The following SEZ6L variants were observed in gnomAD, a reference collection of about 807,000 sequenced individuals.
SEZ6L encodes seizure related 6 homolog like, also known as seizure 6-like protein.
Under a neutral mutation model 106.2 loss-of-function variants are expected in SEZ6L, and 37 were observed. That is an observed-to-expected ratio of 0.35 (90% CI 0.27 to 0.46). The LOEUF (loss-of-function observed/expected upper bound fraction) is 0.46. SEZ6L is among the 20% of genes least tolerant of loss of function. The pLI, the probability that SEZ6L is intolerant of heterozygous loss-of-function variation, is 1.00. For synonymous variants in SEZ6L, 541 were observed against 570.4 expected (o/e 0.95, Z 0.73); for missense variants, 1,172 against 1,332.8 (o/e 0.88, Z 1.88).
At chr22:26,284,604 CAAAAAAAAAAAAAAA>C (rs137198) in intron 1 of SEZ6L, among the ~76,000 whole-genome samples, 4 of 64,022 alleles carry the variant, frequency 6.2e-5, no homozygotes, top group East Asian at 1.1e-3. Context: ...ATCAGGACTC[CAAAAAAAAAAAAAAA>C]AAAAAAAAAA....
intron 12 of SEZ6L, among the ~76,000 whole-genome samples, chr22:26,355,943 C>T (rs1208486156): frequency 6.6e-6 from 1 of 152,228 alleles, no homozygotes; most frequent in Admixed American, 6.5e-5. Context: ...AAGTCAGACA[C>T]ACCCTCCAGC....
intron 1 of SEZ6L, among the ~76,000 whole-genome samples, chr22:26,266,598 T>TAAAC (rs1178066940): frequency 6.8e-6 from 1 of 147,774 alleles, no homozygotes; most frequent in Admixed American, 6.7e-5. Flanking sequence ...AATAAATAAA[T>TAAAC]AAATAAATAA....
At position 26,367,548 on chromosome 22, in the gene SEZ6L, T is replaced by C. The variant is rs111539423; in HGVS notation, c.2794+1982T>C. 4.3e-3 allele frequency among the ~76,000 whole-genome samples: 650 copies of C among 152,254 alleles called. 8 individuals carry two copies. The highest frequency in any genetic ancestry group is 0.014 in the African/African-American group (573 of 41,554). On this transcript the variant is annotated intron_variant, in intron 13 of 16. Transcript: ENST00000248933. ...TTGTAGAGATGGGGGTCTCGCTATGTTGCCCAGGCTGGTCTCTACTCCTGG... is the reference window on the plus strand; with the variant it reads ...TTGTAGAGATGGGGGTCTCGCTATGCTGCCCAGGCTGGTCTCTACTCCTGG...
At position 26,292,858 on chromosome 22, in the gene SEZ6L, C is replaced by A. The variant is rs747137234; in HGVS notation, c.547C>A (p.Pro183Thr). The change falls in exon 2 of 17, where the codon CCC becomes ACC. Residue 183 changes from proline (P) to threonine (T), a missense_variant. Coordinates refer to ENST00000248933, the MANE Select transcript of SEZ6L (RefSeq NM_021115.5). ...IVASEEASEV[P>T]LWLDRKESAV... ...GGCCTCCGAGGAGGCATCAGAAGTG[C>A]CCCTTTGGCTGGACCGAAAGGAGAG... is the stretch of plus-strand genomic sequence containing the variant. 3 of 1,614,030 alleles carry A rather than the reference C, an allele frequency of 1.9e-6. No homozygotes were observed. The African/African-American group carries it at 4.0e-5, about 22-fold the overall frequency.
At chr22:26,364,419 C>T (rs912004760) in intron 12 of SEZ6L, among the ~76,000 whole-genome samples, 3 of 100,936 alleles carry the variant, frequency 3.0e-5, no homozygotes, top group Admixed American at 1.2e-4. Flanking sequence ...GACCCTGTCT[C>T]TACTTTAAAA....
chr22:26,184,008 CT>C (rs1457824527), intron 1 of SEZ6L, among the ~76,000 whole-genome samples: 1 of 152,180 alleles, frequency 6.6e-6, no homozygotes, highest in Non-Finnish European at 1.5e-5. Context: ...AAAATTACTT[CT>C]GTTTTTCAGC....
At chr22:26,364,466 G>A (rs1372230181) in intron 12 of SEZ6L, among the ~76,000 whole-genome samples, 1 of 147,716 alleles carries the variant, frequency 6.8e-6, no homozygotes, top group African/African-American at 2.5e-5. Context: ...GGCGGGACAC[G>A]CCTATAGTCC....
In SEZ6L at chr22:26,266,113, G is replaced by T. The variant is rs549848389; in HGVS notation, c.95-26293G>T. ...CAGCTCACAAGGACAGTGCACACGG[G>T]TGTGTGTGGAATTTATGGTGAGTCA... On this transcript the variant is annotated intron_variant, in intron 1 of 16. Transcript: ENST00000248933. 3.9e-5 allele frequency among the ~76,000 whole-genome samples: 6 copies of T among 152,312 alleles called. No homozygotes were observed. In the South Asian group the frequency reaches 1.0e-3, roughly 26 times the overall value.
chr22:26,262,279 T>TCTATCTATCTATCTAC (rs1435790584), intron 1 of SEZ6L, among the ~76,000 whole-genome samples: 29 of 151,574 alleles, frequency 1.9e-4, no homozygotes, highest in African/African-American at 6.8e-4. Context: ...TATCTATCTA[T>TCTATCTATCTATCTAC]CTATCTCTTT....
At position 26,213,084 on chromosome 22, in the gene SEZ6L, C is replaced by T. The variant is rs147653873; in HGVS notation, c.94+43321C>T. Among the ~76,000 whole-genome samples the T allele has an allele frequency of 3.3e-5, 5 of 152,290 alleles. No individual in the cohort carries two copies. In the East Asian group the frequency reaches 9.6e-4, roughly 29 times the overall value. On this transcript the variant is annotated intron_variant, in intron 1 of 16. Transcript: ENST00000248933. Reference sequence around the variant, plus strand: ...ATCCTGGAGGATGGGGATGCTTAGGCTCCCTACATTCCTCCCACTAATAAT... The same window carrying T: ...ATCCTGGAGGATGGGGATGCTTAGGTTCCCTACATTCCTCCCACTAATAAT...
In SEZ6L at chr22:26,382,613, A is replaced by G. The variant is rs1028644269; in HGVS notation, c.*2318A>G. The G allele has an allele frequency of 1.3e-5, 2 of 152,230 alleles. No individual in the cohort carries two copies. The highest frequency in any genetic ancestry group is 4.8e-5 in the African/African-American group (2 of 41,414). The allele number at this position is 152,230 out of a possible 1,614,324, so 9.4% of individuals were successfully genotyped here. ...GTACCACACCCGTAACCGTGTTTTAAAAGTTTGTTTTAGCCTAGAGACAGA... is the reference window on the plus strand; with the variant it reads ...GTACCACACCCGTAACCGTGTTTTAGAAGTTTGTTTTAGCCTAGAGACAGA... On this transcript the variant is annotated 3_prime_UTR_variant, in exon 17 of 17. Transcript: ENST00000248933.
At chr22:26,246,772 G>A (rs1602146212) in intron 1 of SEZ6L, among the ~76,000 whole-genome samples, 2 of 152,302 alleles carry the variant, frequency 1.3e-5, no homozygotes, top group East Asian at 3.9e-4. Context: ...GTAATGGGTA[G>A]AGATGATTAG....
At chr22:26,312,307 T>C (rs778709565) in intron 8 of SEZ6L, among the ~76,000 whole-genome samples, 3 of 152,226 alleles carry the variant, frequency 2.0e-5, no homozygotes, top group Non-Finnish European at 4.4e-5. Flanking sequence ...ATAAGAACAA[T>C]AATAGTTCTT....
intron 12 of SEZ6L, among the ~76,000 whole-genome samples, chr22:26,363,154 T>A (rs1225446038): frequency 2.0e-5 from 3 of 152,236 alleles, no homozygotes; most frequent in African/African-American, 7.2e-5. Flanking sequence ...TATTGCCCAA[T>A]CTTCTAATGT....
At chr22:26,238,666 G>A (rs563361554) in intron 1 of SEZ6L, among the ~76,000 whole-genome samples, 12 of 152,330 alleles carry the variant, frequency 7.9e-5, no homozygotes, top group Non-Finnish European at 1.2e-4. Context: ...CTTCGCATAA[G>A]TTATTTCATT....
intron 10 of SEZ6L, 92 bp from the exon 11 acceptor site, chr22:26,347,627 T>C (rs1601569561): frequency 6.4e-6 from 7 of 1,093,090 alleles, no homozygotes; most frequent in East Asian, 2.9e-5. Context: ...GAGGCTTTTT[T>C]TTCTCTTCGC....
At chr22:26,319,087 G>A (rs1267938113) in intron 9 of SEZ6L, among the ~76,000 whole-genome samples, 1 of 152,116 alleles carries the variant, frequency 6.6e-6, no homozygotes, top group East Asian at 1.9e-4. Flanking sequence ...AAGCCCGTAT[G>A]AGCCTGCCCC....
chr22:26,274,594 A>G (rs1353440493), intron 1 of SEZ6L, among the ~76,000 whole-genome samples: 1 of 152,184 alleles, frequency 6.6e-6, no homozygotes, highest in Non-Finnish European at 1.5e-5. Context: ...ATAATTCACT[A>G]GAAGGACTCA....
At chr22:26,203,535 A>C (rs1203832211) in intron 1 of SEZ6L, among the ~76,000 whole-genome samples, 3 of 152,202 alleles carry the variant, frequency 2.0e-5, no homozygotes, top group Admixed American at 2.0e-4. Context: ...ATCATTTGTC[A>C]CATTTCTTTC....
Sources: gnomAD v4.1 joint callset for allele counts (sites outside exome capture counted in the v4.1 genomes callset) on GRCh38, gnomAD v4.1.1 for gene constraint, MANE v1.5 for transcripts, NCBI Gene and HGNC (gene_info 2026-07-23, HGNC 2026-07-21) for gene names.